The following GLT8D2 variants were observed in gnomAD, a reference collection of about 807,000 sequenced individuals.
The protein encoded by GLT8D2 is glycosyltransferase 8 domain-containing protein 2.
GLT8D2 carries 45 observed loss-of-function variants against 44.5 expected under a neutral mutation model. The ratio of observed to expected loss-of-function variants is 1.01; its 90% confidence interval spans 0.80 to 1.30. The LOEUF (loss-of-function observed/expected upper bound fraction) is 1.30, where lower values mean the gene tolerates loss of function less well. Ranked by LOEUF, GLT8D2 falls within the 50% of genes most tolerant of loss-of-function variation. The pLI is 0.00. For missense variants in GLT8D2, 400 were observed against 430.4 expected, an observed-to-expected ratio of 0.93 and a Z score of 0.62; for synonymous variants, 156 against 157.2, an observed-to-expected ratio of 0.99 and a Z score of 0.06.
chr12:104,016,043 C>A (rs1472260787), intron 3 of GLT8D2, among the ~76,000 whole-genome samples: 1 of 152,200 alleles, frequency 6.6e-6, no homozygotes, highest in Non-Finnish European at 1.5e-5. Context: ...AATTTGAGTT[C>A]TTCCTTTCCA....
intron 6 of GLT8D2, 107 bp downstream of exon 6, chr12:103,999,290 A>T: frequency 1.5e-6 from 1 of 659,192 alleles, no homozygotes; most frequent in Non-Finnish European, 2.7e-6. Flanking sequence ...TCAACTCCAC[A>T]TGGCTTCAAA....
intron 1 of GLT8D2, among the ~76,000 whole-genome samples, chr12:104,026,994 T>C (rs955683856): frequency 6.6e-6 from 1 of 152,212 alleles, no homozygotes; most frequent in Non-Finnish European, 1.5e-5. Flanking sequence ...AAGGATATCA[T>C]AGGTCCCCAC....
chr12:104,018,781 A>G (rs1877225862), intron 3 of GLT8D2, among the ~76,000 whole-genome samples: 1 of 152,156 alleles, frequency 6.6e-6, no homozygotes, highest in Non-Finnish European at 1.5e-5. Context: ...CTAAAAAATT[A>G]TTTGTTGTTT....
At chr12:104,042,434 C>A (rs533888632) in intron 1 of GLT8D2, among the ~76,000 whole-genome samples, 3 of 152,174 alleles carry the variant, frequency 2.0e-5, no homozygotes, top group African/African-American at 7.2e-5. Context: ...CAGAATCAAC[C>A]CATGTGTTTA....
upstream of GLT8D2, among the ~76,000 whole-genome samples, chr12:104,052,001 A>T (rs1340455830): frequency 6.9e-6 from 1 of 145,948 alleles, no homozygotes; most frequent in Non-Finnish European, 1.5e-5. Flanking sequence ...TGTTATCAAT[A>T]AAAAAATAGA....
At chr12:104,006,161 T>C (rs1485794471) in intron 4 of GLT8D2, among the ~76,000 whole-genome samples, 1 of 143,170 alleles carries the variant, frequency 7.0e-6, no homozygotes, top group African/African-American at 2.6e-5. Flanking sequence ...CATGTTCTCA[T>C]TCATAGGTGG....
chr12:104,007,141 G>A (rs1040502449), intron 4 of GLT8D2, among the ~76,000 whole-genome samples: 3 of 151,650 alleles, frequency 2.0e-5, no homozygotes, highest in East Asian at 2.0e-4. Flanking sequence ...CTTTAGTACC[G>A]CAATACAACT....
rs1175888989 is a variant in GLT8D2, at chr12:104,021,867, AAAGAAGAAGAAG to A, written c.-163-388_-163-377del. 4.0e-3 allele frequency among the ~76,000 whole-genome samples: 378 copies of A among 93,534 alleles called. 3 individuals are homozygous for A. Among genetic ancestry groups the A allele is most frequent in the Middle Eastern group, 5.1e-3 (1 of 196 alleles). 61.4% of individuals were successfully genotyped at this position (93,534 alleles called of 152,430 possible). A position where few individuals can be genotyped will look rare whatever the true frequency, so the allele number is the denominator to read the frequency against. ...GAAGGAGAAGGAGAAGGAGAAGAAG[AAAGAAGAAGAAG>A]AAGAAGAAGAAGAAGAAGAAGAAGA... On this transcript the variant is annotated intron_variant, in intron 1 of 10. Coordinates refer to ENST00000360814, the MANE Select transcript of GLT8D2 (RefSeq NM_001384711.1).
intron 1 of GLT8D2, among the ~76,000 whole-genome samples, chr12:104,027,343 G>A (rs892033272): frequency 6.6e-6 from 1 of 152,180 alleles, no homozygotes; most frequent in Admixed American, 6.5e-5. Flanking sequence ...ATGGTCTTTG[G>A]CCATGTGGCT....
At chr12:104,064,435 C>T (rs948274167), upstream of GLT8D2, 4 of 1,005,436 alleles carry the variant, frequency 4.0e-6, no homozygotes, top group African/African-American at 3.4e-5. This position sits in a 1 kb window ranked among gnomAD's most constrained non-coding sequence, Gnocchi z 7.3. Context: ...GGGCCTCCAG[C>T]CTGGCCGCCG....
intron 1 of GLT8D2, among the ~76,000 whole-genome samples, chr12:104,024,687 C>T (rs191952414): frequency 4.6e-5 from 7 of 152,176 alleles, no homozygotes; most frequent in Non-Finnish European, 5.9e-5. Context: ...CCACATGTGG[C>T]GAAATGTCTG....
At position 104,015,076 on chromosome 12, in the gene GLT8D2, C is replaced by T. The variant is rs188727861; in HGVS notation, c.49G>A (p.Val17Met). ...INQVLLFLLI[V>M]TLCVILYKKV... ...TTATACAGAATCACACAGAGGGTCACGATCAGAAGGAACAGCAGCACCTGA... is the reference window on the plus strand; with the variant it reads ...TTATACAGAATCACACAGAGGGTCATGATCAGAAGGAACAGCAGCACCTGA... Residue 17 changes from valine to methionine, a missense_variant, in exon 4 of 11, where the codon GTG becomes ATG. By Grantham distance (21) the Val-to-Met change is conservative (BLOSUM62 1). Transcript: ENST00000360814. 153 of 1,613,608 alleles carry T rather than the reference C, an allele frequency of 9.5e-5. No homozygotes were observed. In the African/African-American group the frequency reaches 1.1e-3, roughly 12 times the overall value.
chr12:104,008,147 A>G (rs1226249128), intron 4 of GLT8D2, among the ~76,000 whole-genome samples: 1 of 152,234 alleles, frequency 6.6e-6, no homozygotes, highest in Non-Finnish European at 1.5e-5. Flanking sequence ...ACTGGGTGAC[A>G]AACAGAGGTT....
intron 1 of GLT8D2, chr12:104,031,266 C>A: frequency 1.9e-6 from 3 of 1,584,580 alleles, no homozygotes; most frequent in Middle Eastern, 1.8e-4. Flanking sequence ...ATTGCCAGAG[C>A]TCTGCCCTTC....
At chr12:104,016,448 C>T (rs1317310298) in intron 3 of GLT8D2, among the ~76,000 whole-genome samples, 2 of 151,662 alleles carry the variant, frequency 1.3e-5, no homozygotes, top group African/African-American at 4.8e-5. Context: ...ACCAGCCTGG[C>T]CAACATAGCA....
At chr12:104,053,583 T>C (rs555343335), upstream of GLT8D2, among the ~76,000 whole-genome samples, 1 of 152,176 alleles carries the variant, frequency 6.6e-6, no homozygotes, top group Non-Finnish European at 1.5e-5. Context: ...TGCTGTTGTT[T>C]TTAAACAAAA....
In GLT8D2 at chr12:104,013,008, A is replaced by G. The variant is rs564861178; in HGVS notation, c.112+2005T>C. Among the ~76,000 whole-genome samples the G allele has an allele frequency of 5.3e-5, 8 of 152,324 alleles. No individual in the cohort carries two copies. In the East Asian group the frequency reaches 9.6e-4, roughly 18 times the overall value. On this transcript the variant is annotated intron_variant, in intron 4 of 10. Coordinates refer to ENST00000360814, the MANE Select transcript of GLT8D2 (RefSeq NM_001384711.1). ...GGACTTCCAGCCTCCAGAACCAGAG[A>G]AAATACATTTCTATGGTCTAGCCAC... is the stretch of plus-strand genomic sequence containing the variant.
At chr12:103,996,672 A>C in intron 8 of GLT8D2, 63 bp downstream of exon 8, 1 of 1,147,626 alleles carries the variant, frequency 8.7e-7, no homozygotes, top group Non-Finnish European at 1.3e-6. Flanking sequence ...TGACTTGCAG[A>C]GGGGGGAGAA....
At chr12:103,999,976 T>C (rs1031736698) in intron 5 of GLT8D2, among the ~76,000 whole-genome samples, 32 of 152,344 alleles carry the variant, frequency 2.1e-4, no homozygotes, top group African/African-American at 7.0e-4. Flanking sequence ...TACCTTTGTC[T>C]CTTTGATTTG....
Sources: gnomAD v4.1 joint callset for allele counts (sites outside exome capture counted in the v4.1 genomes callset) on GRCh38, gnomAD v4.1.1 for gene constraint, Gnocchi (gnomAD v3.1) non-coding constraint, MANE v1.5 for transcripts, NCBI Gene and HGNC (gene_info 2026-07-23, HGNC 2026-07-21) for gene names.